Variants in WARS2 observed in about 807,000 individuals in gnomAD.
WARS2 encodes the protein tryptophan--tRNA ligase, mitochondrial.
A neutral mutation model predicts 36.5 loss-of-function variants in WARS2; 28 were observed. The observed-to-expected ratio is 0.77, with a 90% confidence interval of 0.57 to 1.05. The LOEUF is 1.05. Ranked by LOEUF, WARS2 falls within the 50% of genes least tolerant of loss-of-function variation. The pLI is 0.00. For missense variants in WARS2, 435 were observed against 456.8 expected (o/e 0.95, Z 0.44); for synonymous variants, 174 against 178.4 (o/e 0.98, Z 0.20).
At chr1:119,133,965 A>G (rs931419518) in intron 1 of WARS2, among the ~76,000 whole-genome samples, 3 of 152,124 alleles carry the variant, frequency 2.0e-5, no homozygotes. Flanking sequence ...CTGAAAAACT[A>G]CAAAATGCTG....
chr1:119,065,634 C>CAA (rs55857499), intron 2 of WARS2, among the ~76,000 whole-genome samples: 12 of 91,410 alleles, frequency 1.3e-4, no homozygotes, highest in East Asian at 7.9e-4. Flanking sequence ...GACTCTGTCT[C>CAA]AAAAAAAAAA....
chr1:119,112,469 C>T (rs1654709836), intron 1 of WARS2, among the ~76,000 whole-genome samples: 1 of 152,082 alleles, frequency 6.6e-6, no homozygotes, highest in African/African-American at 2.4e-5. Context: ...AATATAAAAA[C>T]AGGTGTTAAA....
chr1:119,085,091 T>G, intron 1 of WARS2: 1 of 767,742 alleles, frequency 1.3e-6, no homozygotes, highest in East Asian at 2.5e-5. Context: ...AGCTCCTACC[T>G]CTACTTCTAT....
At chr1:119,085,945 A>G in intron 1 of WARS2, 1 of 1,610,358 alleles carries the variant, frequency 6.2e-7, no homozygotes, top group Non-Finnish European at 8.5e-7. Flanking sequence ...ACCTTAGTTA[A>G]AGGGTTCATC....
At chr1:119,084,543 A>C (rs1652475352) in intron 1 of WARS2, among the ~76,000 whole-genome samples, 1 of 152,224 alleles carries the variant, frequency 6.6e-6, no homozygotes, top group African/African-American at 2.4e-5. Flanking sequence ...AAAAGACATT[A>C]AACATTTTTT....
chr1:119,099,547 C>T (rs1004983175), intron 1 of WARS2, among the ~76,000 whole-genome samples: 17 of 152,138 alleles, frequency 1.1e-4, no homozygotes, highest in Admixed American at 3.3e-4. Context: ...TGGAGGAAAA[C>T]GCTTTGGTCT....
At chr1:119,047,132 G>A (rs1335183530) in intron 2 of WARS2, among the ~76,000 whole-genome samples, 1 of 152,204 alleles carries the variant, frequency 6.6e-6, no homozygotes, top group Non-Finnish European at 1.5e-5. Flanking sequence ...GCTAACTGCT[G>A]CTGTAAACAA....
At chr1:119,115,500 T>C (rs1304404807) in intron 1 of WARS2, among the ~76,000 whole-genome samples, 1 of 152,192 alleles carries the variant, frequency 6.6e-6, no homozygotes, top group African/African-American at 2.4e-5. Flanking sequence ...TTCTGGATAG[T>C]GTCCAGCAAC....
At chr1:119,107,663 GAA>G (rs1654334297) in intron 1 of WARS2, among the ~76,000 whole-genome samples, 15 of 109,084 alleles carry the variant, frequency 1.4e-4, no homozygotes, top group African/African-American at 6.2e-4. Context: ...TGGAGAAATA[GAA>G]AAAGAAAGAG....
intron 2 of WARS2, among the ~76,000 whole-genome samples, chr1:119,073,280 A>G (rs976824168): frequency 6.6e-6 from 1 of 152,142 alleles, no homozygotes; most frequent in Non-Finnish European, 1.5e-5. Flanking sequence ...ATTTTTAAAT[A>G]AAATTACATT....
In WARS2 at chr1:119,034,160, T is replaced by G. The variant is rs758443688; in HGVS notation, c.569A>C (p.Gln190Pro). ...EDQVQHMELVQDLAQGFNKKY... is the reference protein window; with the variant it reads ...EDQVQHMELVPDLAQGFNKKY... ...CTTGTTGAAACCTTGTGCTAGATCC[T>G]GAACTAGTTCCATGTGCTGGACTTG... Residue 190 changes from glutamine to proline, a missense_variant, in exon 5 of 6, where the codon CAG (glutamine) becomes CCG (proline). Transcript: ENST00000235521. 1.2e-6 allele frequency: 2 copies of G among 1,614,116 alleles called. No homozygotes were observed. The highest frequency in any genetic ancestry group is 2.2e-5 in the East Asian group (1 of 44,874).
At chr1:119,099,513 G>T (rs1653706636) in intron 1 of WARS2, among the ~76,000 whole-genome samples, 1 of 152,298 alleles carries the variant, frequency 6.6e-6, no homozygotes, top group Non-Finnish European at 1.5e-5. Flanking sequence ...CCACTGCGAA[G>T]ATTCCTAAGA....
At chr1:119,126,494 T>C (rs79160331) in intron 1 of WARS2, 1 of 457,202 alleles carries the variant, frequency 2.2e-6, no homozygotes, top group Non-Finnish European at 4.0e-6. Context: ...TTTTTTTTTT[T>C]TCACAAATAG....
chr1:119,054,530 GATTCAGCAGTTCCATTTCTCA>G (rs1649617539), intron 2 of WARS2, among the ~76,000 whole-genome samples: 2 of 152,106 alleles, frequency 1.3e-5, no homozygotes, highest in Admixed American at 1.3e-4. Context: ...ATTACCATAT[GATTCAGCAGTTCCATTTCTCA>G]TATATATACA....
chr1:119,128,032 G>A (rs952608238), intron 1 of WARS2, among the ~76,000 whole-genome samples: 4 of 152,036 alleles, frequency 2.6e-5, no homozygotes, highest in African/African-American at 2.4e-5. Context: ...TGTTGCTAAT[G>A]TCTTTAGTGA....
At chr1:119,091,374 A>G (rs747845922) in intron 1 of WARS2, among the ~76,000 whole-genome samples, 1 of 152,224 alleles carries the variant, frequency 6.6e-6, no homozygotes, top group Non-Finnish European at 1.5e-5. Flanking sequence ...TGAGGCACAG[A>G]AGGGTTAAAT....
intron 1 of WARS2, among the ~76,000 whole-genome samples, chr1:119,090,639 G>A (rs947886243): frequency 2.6e-5 from 4 of 152,146 alleles, no homozygotes; most frequent in Non-Finnish European, 4.4e-5. Context: ...TTGGGAGGCC[G>A]ATGTGGGAGG....
intron 1 of WARS2, among the ~76,000 whole-genome samples, chr1:119,090,610 C>G (rs1652975329): frequency 1.3e-5 from 2 of 152,178 alleles, no homozygotes; most frequent in South Asian, 4.1e-4. Context: ...CAGTGGCTCA[C>G]ACCTGTAATG....
At chr1:119,034,986 A>G (rs1016360175) in intron 4 of WARS2, among the ~76,000 whole-genome samples, 2 of 152,252 alleles carry the variant, frequency 1.3e-5, no homozygotes, top group African/African-American at 4.8e-5. Context: ...GAAAGGAAAT[A>G]GATCTGAAGA....
Sources: allele counts gnomAD v4.1 joint callset (sites outside exome capture counted in the v4.1 genomes callset), GRCh38; gene constraint gnomAD v4.1.1; transcripts MANE v1.5; gene names NCBI Gene and HGNC (gene_info 2026-07-23, HGNC 2026-07-21).